EIF2AK2: variants seen among roughly 807,000 people sequenced by gnomAD.
The protein encoded by EIF2AK2 is interferon-induced, double-stranded RNA-activated protein kinase.
In EIF2AK2, 40 loss-of-function variants were observed where a neutral mutation model predicts 70.5. That is an observed-to-expected ratio of 0.57 (90% CI 0.44 to 0.74). The LOEUF (loss-of-function observed/expected upper bound fraction) is 0.74, where lower values mean the gene tolerates loss of function less well. EIF2AK2 is among the 30% of genes least tolerant of loss of function. The pLI, the probability that EIF2AK2 is intolerant of heterozygous loss-of-function variation, is 0.00. For missense variants in EIF2AK2, 555 were observed against 644.3 expected (o/e 0.86, Z 1.50); for synonymous variants, 198 against 220.9 (o/e 0.90, Z 0.92).
chr2:37,116,380 T>C (rs1389790143), intron 13 of EIF2AK2, among the ~76,000 whole-genome samples: 2 of 152,114 alleles, frequency 1.3e-5, no homozygotes, highest in Non-Finnish European at 2.9e-5. Flanking sequence ...CACCCAGCTC[T>C]ACTGACCAAT....
Position 37,107,122 on chromosome 2 carries a change from T to G in EIF2AK2, c.*151A>C. On this transcript the variant is annotated 3_prime_UTR_variant, in exon 17 of 17. Coordinates refer to ENST00000233057, the MANE Select transcript of EIF2AK2 (RefSeq NM_001135651.3). ...TTTTTGAAGCAAAAAGAAGAAAACCTTTCTGTTTCTGCAGAAAGATTAGTA... is the reference window on the plus strand; with the variant it reads ...TTTTTGAAGCAAAAAGAAGAAAACCGTTCTGTTTCTGCAGAAAGATTAGTA... The G allele has an allele frequency of 1.0e-6, 1 of 1,002,740 alleles. No individual in the cohort carries two copies. 62.1% of individuals were successfully genotyped at this position (1,002,740 alleles called of 1,614,324 possible).
Position 37,129,156 on chromosome 2 carries a change from AG to A in EIF2AK2, c.786-2746del, listed in dbSNP as rs550703865. On this transcript the variant is annotated intron_variant, in intron 10 of 16. Transcript: ENST00000233057. ...TTCCATGTCTTTAACAACAGAGATGAGGAACAAAAAATTCAAGAGGACAAAC... is the reference window on the plus strand; with the variant it reads ...TTCCATGTCTTTAACAACAGAGATGAGAACAAAAAATTCAAGAGGACAAAC... Among the ~76,000 whole-genome samples, 7 of 152,294 alleles carry A rather than the reference AG, an allele frequency of 4.6e-5. No homozygotes were observed. The South Asian group carries it at 8.3e-4, about 18-fold the overall frequency.
chr2:37,156,460 G>A (rs1428451068), intron 1 of EIF2AK2, among the ~76,000 whole-genome samples: 3 of 152,084 alleles, frequency 2.0e-5, no homozygotes, highest in Non-Finnish European at 4.4e-5. Flanking sequence ...AGGCAATTGG[G>A]AAACTACTGC....
chr2:37,137,143 C>T (rs1183836704), intron 8 of EIF2AK2, 126 bp from the exon 9 acceptor site: 2 of 691,184 alleles, frequency 2.9e-6, no homozygotes, highest in East Asian at 3.0e-5. Context: ...AATGTCTGTA[C>T]TCTCATCAAG....
chr2:37,128,023 T>G (rs1674804359), intron 10 of EIF2AK2, among the ~76,000 whole-genome samples: 1 of 152,208 alleles, frequency 6.6e-6, no homozygotes, highest in South Asian at 2.1e-4. Context: ...ATAACAGGCA[T>G]GAGCCACTGT....
Position 37,120,031 on chromosome 2 carries a change from C to A in EIF2AK2, c.1176G>T (p.Leu392Phe). 4 of 1,562,554 alleles carry A rather than the reference C, an allele frequency of 2.6e-6. No individual in the cohort carries two copies. Among genetic ancestry groups the A allele is most frequent in the South Asian group, 1.2e-5 (1 of 83,366 alleles). ...RGEKLDKVLA[L>F]ELFEQITKGV... Reference sequence around the variant, plus strand: ...CTTTTGTTATTTGTTCAAAGAGTTCCAAAGCCAAAACTTTGTCTAGTTTCT... The same window carrying A: ...CTTTTGTTATTTGTTCAAAGAGTTCAAAAGCCAAAACTTTGTCTAGTTTCT... Residue 392 changes from leucine to phenylalanine, a missense_variant, in exon 13 of 17, where the codon TTG becomes TTT. By Grantham distance (22) the Leu-to-Phe change is conservative (BLOSUM62 0). This residue lies in a region of EIF2AK2 where 299 missense variants were observed against 375.4 expected (regional missense o/e 0.80). Transcript: ENST00000233057.
chr2:37,107,550 T>C (rs1005109195), intron 15 of EIF2AK2, 23 bp from the exon 16 acceptor site: 2 of 1,600,138 alleles, frequency 1.2e-6, no homozygotes, highest in Non-Finnish European at 8.5e-7. Context: ...ATGATAGGTG[T>C]ATATTAGGAA....
At chr2:37,132,014 T>G (rs1274178679) in intron 10 of EIF2AK2, among the ~76,000 whole-genome samples, 2 of 152,166 alleles carry the variant, frequency 1.3e-5, no homozygotes, top group Non-Finnish European at 2.9e-5. Flanking sequence ...AATGGAAAAC[T>G]AATCCATTGT....
At chr2:37,138,450 C>A in intron 7 of EIF2AK2, 59 bp downstream of exon 7, 2 of 1,603,310 alleles carry the variant, frequency 1.2e-6, no homozygotes, top group South Asian at 2.2e-5. Context: ...ACATAAAAAT[C>A]TGTCTTTCAG....
At chr2:37,119,888 A>T (rs1674475981) in intron 13 of EIF2AK2, 71 bp downstream of exon 13, 3 of 924,702 alleles carry the variant, frequency 3.2e-6, no homozygotes, top group Admixed American at 4.5e-5. Flanking sequence ...CACTGTGCCC[A>T]GCTGAGAAGA....
At chr2:37,152,570 C>T (rs1365537587) in intron 1 of EIF2AK2, among the ~76,000 whole-genome samples, 1 of 152,126 alleles carries the variant, frequency 6.6e-6, no homozygotes, top group East Asian at 1.9e-4. Flanking sequence ...TGTGGGCCAC[C>T]ACGCCTGGCC....
intron 1 of EIF2AK2, among the ~76,000 whole-genome samples, chr2:37,155,997 G>C (rs2148722934): frequency 6.6e-6 from 1 of 151,916 alleles, no homozygotes. Context: ...TAACTACTAT[G>C]TTGACAACCG....
intron 10 of EIF2AK2, among the ~76,000 whole-genome samples, chr2:37,128,915 G>C (rs564348478): frequency 6.6e-6 from 1 of 152,160 alleles, no homozygotes; most frequent in Non-Finnish European, 1.5e-5. Flanking sequence ...AAAGCTCAGA[G>C]AAATTACACA....
intron 12 of EIF2AK2, among the ~76,000 whole-genome samples, chr2:37,121,547 C>T (rs1032306177): frequency 6.7e-6 from 1 of 150,228 alleles, no homozygotes. Flanking sequence ...GAAAGCAAAC[C>T]TAAAACAATA....
In EIF2AK2 at chr2:37,106,701, C is replaced by A. The variant is rs1558404742; in HGVS notation, c.*572G>T. ...ATAAATAGATATGAATTGATTGATT[C>A]ATTAATAGTATAAAAAGAAAATTTG... On this transcript the variant is annotated 3_prime_UTR_variant, in exon 17 of 17. Coordinates refer to ENST00000233057, the MANE Select transcript of EIF2AK2 (RefSeq NM_001135651.3). 2 of 151,402 alleles carry A rather than the reference C, an allele frequency of 1.3e-5. No individual in the cohort carries two copies. The highest frequency in any genetic ancestry group is 2.9e-5 in the Non-Finnish European group (2 of 67,980). 9.4% of individuals were successfully genotyped at this position (151,402 alleles called of 1,614,324 possible).
Position 37,136,968 on chromosome 2 carries a change from C to T in EIF2AK2, c.722+15G>A. 3 of 1,598,056 alleles carry T rather than the reference C, an allele frequency of 1.9e-6. No individual in the cohort carries two copies. The highest frequency in any genetic ancestry group is 3.3e-4 in the Middle Eastern group (2 of 5,988). Reference sequence around the variant, plus strand: ...ACTTCAGATCAAAATATGTTCAATGCATAATGATACTCACCTTTTTGCCTT... The same window carrying T: ...ACTTCAGATCAAAATATGTTCAATGTATAATGATACTCACCTTTTTGCCTT... On this transcript the variant is annotated intron_variant, in intron 9 of 16. Coordinates refer to ENST00000233057, the MANE Select transcript of EIF2AK2 (RefSeq NM_001135651.3).
chr2:37,129,114 A>C (rs74891030), intron 10 of EIF2AK2, among the ~76,000 whole-genome samples: 3,398 of 151,770 alleles, frequency 0.022, 62 homozygotes, highest in Non-Finnish European at 0.033. Flanking sequence ...TCTTGGTGGG[A>C]GCTCCTAAAT....
intron 2 of EIF2AK2, chr2:37,148,422 G>A (rs771600520): frequency 2.1e-5 from 8 of 374,896 alleles, no homozygotes; most frequent in South Asian, 3.3e-5. Context: ...CTGTGTGGAC[G>A]TGGATCCTGC....
chr2:37,109,296 C>G lies in EIF2AK2; in HGVS notation c.1378-1G>C, dbSNP rs767300202. 1.9e-6 allele frequency: 3 copies of G among 1,612,722 alleles called. No homozygotes were observed. Among genetic ancestry groups the G allele is most frequent in the Non-Finnish European group, 2.5e-6 (3 of 1,179,186 alleles). ...CCTTTCCATAGTCTTGCGAAGAAAT[C>G]TAAAGAGACCAAAATAGATTTACCT... On this transcript the variant is annotated splice_acceptor_variant, in intron 14 of 16. Coordinates refer to ENST00000233057, the MANE Select transcript of EIF2AK2 (RefSeq NM_001135651.3). LOFTEE classifies it high-confidence loss of function.
Sources: allele counts gnomAD v4.1 joint callset (sites outside exome capture counted in the v4.1 genomes callset), GRCh38; gene constraint gnomAD v4.1.1; regional missense constraint gnomAD v4.1.1; transcripts MANE v1.5; gene names NCBI Gene and HGNC (gene_info 2026-07-23, HGNC 2026-07-21).